DCDC1: variants seen among roughly 807,000 people sequenced by gnomAD.
DCDC1 encodes doublecortin domain-containing protein 1.
A neutral mutation model predicts 178.3 loss-of-function variants in DCDC1; 200 were observed. The observed-to-expected ratio is 1.12, with a 90% CI of 1.00 to 1.26. DCDC1 has a LOEUF of 1.26. DCDC1 is among the 50% of genes most tolerant of loss of function. The pLI, the probability that DCDC1 is intolerant of heterozygous loss-of-function variation, is 0.00. For synonymous variants in DCDC1, 690 were observed against 604.8 expected, an observed-to-expected ratio of 1.14 and a Z score of -2.07; for missense variants, 1,983 against 1,749.2, an observed-to-expected ratio of 1.13 and a Z score of -2.38.
chr11:31,091,893 A>C (rs1957843447), intron 16 of DCDC1, among the ~76,000 whole-genome samples: 1 of 152,234 alleles, frequency 6.6e-6, no homozygotes, highest in Admixed American at 6.5e-5. Context: ...AACTGAAAAG[A>C]CTGAAACAAA....
intron 38 of DCDC1, among the ~76,000 whole-genome samples, chr11:30,868,333 C>T (rs985416846): frequency 5.6e-5 from 8 of 142,354 alleles, no homozygotes; most frequent in African/African-American, 1.8e-4. Context: ...TCACTGCAGC[C>T]TCCGCCTCCC....
intron 11 of DCDC1, among the ~76,000 whole-genome samples, chr11:31,120,827 C>T (rs1171059627): frequency 6.6e-6 from 1 of 152,162 alleles, no homozygotes; most frequent in Non-Finnish European, 1.5e-5. Flanking sequence ...CACTCACCAT[C>T]CCCCTACAGA....
chr11:31,172,549 T>C (rs926304995), intron 9 of DCDC1, among the ~76,000 whole-genome samples: 2 of 152,136 alleles, frequency 1.3e-5, no homozygotes, highest in African/African-American at 2.4e-5. Flanking sequence ...ATATAACCTT[T>C]TACTCCTCTA....
chr11:31,137,485 G>C (rs1011650096), intron 10 of DCDC1, among the ~76,000 whole-genome samples: 13 of 151,954 alleles, frequency 8.6e-5, no homozygotes, highest in African/African-American at 2.9e-4. Context: ...GAGTAGCTGG[G>C]ATTACAGGCG....
chr11:31,331,199 T>C (rs574297567), intron 2 of DCDC1, among the ~76,000 whole-genome samples: 1 of 152,352 alleles, frequency 6.6e-6, no homozygotes, highest in South Asian at 2.1e-4. Context: ...TATTGGTGTA[T>C]AAAAATGCTT....
chr11:30,910,655 C>A (rs977869149), intron 28 of DCDC1, among the ~76,000 whole-genome samples: 1 of 151,824 alleles, frequency 6.6e-6, no homozygotes, highest in African/African-American at 2.4e-5. Context: ...CCCTTACTAG[C>A]AAGGAAAAAC....
intron 20 of DCDC1, among the ~76,000 whole-genome samples, chr11:31,034,351 T>A (rs1356191406): frequency 6.6e-6 from 1 of 152,084 alleles, no homozygotes; most frequent in African/African-American, 2.4e-5. Context: ...GAAAAATATT[T>A]TTTATGAATT....
intron 1 of DCDC1, among the ~76,000 whole-genome samples, chr11:31,342,622 T>G (rs952262130): frequency 6.6e-6 from 1 of 152,190 alleles, no homozygotes; most frequent in African/African-American, 2.4e-5. Context: ...GGGGTGAGGC[T>G]CTCTTCTAAA....
intron 6 of DCDC1, among the ~76,000 whole-genome samples, chr11:31,297,135 T>C (rs1947746271): frequency 6.6e-6 from 1 of 152,084 alleles, no homozygotes; most frequent in Non-Finnish European, 1.5e-5. Context: ...ATCTGACTCT[T>C]CCATGCCAAC....
At chr11:30,914,066 C>A (rs962181032) in intron 27 of DCDC1, among the ~76,000 whole-genome samples, 1 of 152,226 alleles carries the variant, frequency 6.6e-6, no homozygotes. Context: ...AAAGCAACAG[C>A]TCCTAAAACA....
At chr11:31,237,037 T>C (rs1450107478) in intron 9 of DCDC1, among the ~76,000 whole-genome samples, 1 of 151,876 alleles carries the variant, frequency 6.6e-6, no homozygotes, top group Non-Finnish European at 1.5e-5. Flanking sequence ...AATACTAAGA[T>C]TCCTTTTAAA....
At chr11:31,202,316 A>G (rs1022647509) in intron 9 of DCDC1, among the ~76,000 whole-genome samples, 15 of 151,698 alleles carry the variant, frequency 9.9e-5, no homozygotes, top group Middle Eastern at 3.2e-3. Context: ...TAATCCCAAC[A>G]CTTTGGGACG....
intron 17 of DCDC1, among the ~76,000 whole-genome samples, chr11:31,087,302 CA>C (rs35356668): frequency 1.3e-5 from 2 of 151,644 alleles, no homozygotes; most frequent in African/African-American, 4.8e-5. Context: ...TTAATCTTTT[CA>C]AAAAAATCCA....
intron 17 of DCDC1, among the ~76,000 whole-genome samples, chr11:31,089,114 T>C (rs1256719611): frequency 6.6e-6 from 1 of 152,190 alleles, no homozygotes; most frequent in African/African-American, 2.4e-5. Flanking sequence ...GTCATGAAGA[T>C]CTGCTGGTGA....
At chr11:31,264,750 T>C (rs544098645) in intron 8 of DCDC1, among the ~76,000 whole-genome samples, 2 of 152,206 alleles carry the variant, frequency 1.3e-5, no homozygotes, top group Non-Finnish European at 2.9e-5. Context: ...ATTCCTACTC[T>C]GTCAATTCTG....
intron 17 of DCDC1, among the ~76,000 whole-genome samples, chr11:31,080,117 T>C (rs1957086066): frequency 6.6e-6 from 1 of 152,154 alleles, no homozygotes; most frequent in Admixed American, 6.6e-5. Context: ...TCTTTCTATA[T>C]TATAATTAAT....
At chr11:31,009,665 C>A (rs1220233345) in intron 20 of DCDC1, among the ~76,000 whole-genome samples, 3 of 152,104 alleles carry the variant, frequency 2.0e-5, no homozygotes, top group Non-Finnish European at 2.9e-5. Flanking sequence ...GCAAATTCCC[C>A]TCTCCTCTGC....
At chr11:31,308,272 G>A (rs1237214664) in intron 3 of DCDC1, among the ~76,000 whole-genome samples, 1 of 152,162 alleles carries the variant, frequency 6.6e-6, no homozygotes. Flanking sequence ...TTAAAACAAT[G>A]TAAGTATAAC....
intron 5 of DCDC1, 64 bp from the exon 6 acceptor site, chr11:31,305,841 A>G: frequency 6.4e-7 from 1 of 1,555,794 alleles, no homozygotes; most frequent in South Asian, 1.2e-5. Context: ...ATTTCCCTCA[A>G]AACAAAAGGT....
Sources: gnomAD v4.1 joint callset for allele counts (sites outside exome capture counted in the v4.1 genomes callset) on GRCh38, gnomAD v4.1.1 for gene constraint, MANE v1.5 for transcripts, NCBI Gene and HGNC (gene_info 2026-07-23, HGNC 2026-07-21) for gene names.